Variants in TMEM272 observed in about 807,000 individuals in gnomAD.
TMEM272 encodes the protein transmembrane protein 272, also known as long intergenic non-protein coding RNA 282.
A neutral mutation model predicts 3.7 loss-of-function variants in TMEM272; 8 were observed. The ratio of observed to expected loss-of-function variants is 2.17; its 90% CI spans 1.27 to 3.91. TMEM272 has a LOEUF of 3.91. Ranked by LOEUF, TMEM272 falls within the 30% of genes most tolerant of loss-of-function variation. TMEM272 has a pLI of 0.00. For missense variants in TMEM272, 166 were observed against 91.5 expected, an observed-to-expected ratio of 1.81 and a Z score of -3.32; for synonymous variants, 63 against 39.8, an observed-to-expected ratio of 1.58 and a Z score of -2.20.
chr13:51,859,615 C>T, the TMEM272 span, among the ~76,000 whole-genome samples: 2 of 151,408 alleles, frequency 1.3e-5, no homozygotes, highest in East Asian at 1.9e-4. Context: ...ATTAGCTGAT[C>T]GTTAAGCTAA....
At chr13:51,886,673 T>C in the TMEM272 span, among the ~76,000 whole-genome samples, 1 of 152,206 alleles carries the variant, frequency 6.6e-6, no homozygotes, top group African/African-American at 2.4e-5. Context: ...TACAACATAA[T>C]CCATTACAAG....
intron 2 of TMEM272, among the ~76,000 whole-genome samples, chr13:51,837,677 C>T (rs926378493): frequency 6.6e-6 from 1 of 152,194 alleles, no homozygotes; most frequent in Non-Finnish European, 1.5e-5. Context: ...GAGGTGCTGG[C>T]ATGCAGCAGT....
chr13:51,846,265 A>G (rs1268870645), upstream of TMEM272, among the ~76,000 whole-genome samples: 1 of 152,230 alleles, frequency 6.6e-6, no homozygotes, highest in Non-Finnish European at 1.5e-5. Flanking sequence ...CATGAGCCAC[A>G]TAACAATGTT....
intron 3 of TMEM272, among the ~76,000 whole-genome samples, chr13:51,825,201 T>A (rs1173920892): frequency 6.6e-6 from 1 of 152,228 alleles, no homozygotes; most frequent in Non-Finnish European, 1.5e-5. Flanking sequence ...TTACACTAAA[T>A]GGCCCCAGAC....
the TMEM272 span, among the ~76,000 whole-genome samples, chr13:51,860,605 T>C: frequency 2.8e-5 from 4 of 144,824 alleles, no homozygotes; most frequent in African/African-American, 1.0e-4. Context: ...TACCATGCCA[T>C]TGCACTCCAG....
the TMEM272 span, among the ~76,000 whole-genome samples, chr13:51,911,817 G>A: frequency 5.3e-5 from 8 of 152,166 alleles, no homozygotes; most frequent in South Asian, 2.1e-4. Context: ...CCGAGACAGA[G>A]CCTCCCGGCC....
the TMEM272 span, among the ~76,000 whole-genome samples, chr13:51,878,414 A>G: frequency 2.6e-5 from 4 of 152,246 alleles, no homozygotes; most frequent in South Asian, 8.3e-4. Context: ...TGGGTGACAG[A>G]GCGAGACTCT....
chr13:51,820,363 G>C (rs1956068549), intron 4 of TMEM272, among the ~76,000 whole-genome samples: 1 of 152,198 alleles, frequency 6.6e-6, no homozygotes, highest in Admixed American at 6.5e-5. Context: ...GCAAACTTCT[G>C]CCTCTGGGGA....
At chr13:51,863,219 G>A in the TMEM272 span, among the ~76,000 whole-genome samples, 3 of 152,248 alleles carry the variant, frequency 2.0e-5, no homozygotes, top group Admixed American at 2.0e-4. Flanking sequence ...GGAGTTGGGT[G>A]CAGGCTGGGT....
At chr13:51,880,170 T>C in the TMEM272 span, among the ~76,000 whole-genome samples, 1 of 151,812 alleles carries the variant, frequency 6.6e-6, no homozygotes, top group African/African-American at 2.4e-5. Flanking sequence ...GGGTAACAAA[T>C]GATAGAGTCT....
At chr13:51,854,740 G>T in the TMEM272 span, among the ~76,000 whole-genome samples, 1 of 152,144 alleles carries the variant, frequency 6.6e-6, no homozygotes, top group Non-Finnish European at 1.5e-5. Flanking sequence ...GATTAAATGG[G>T]CTATATATGC....
the TMEM272 span, among the ~76,000 whole-genome samples, chr13:51,863,768 T>C: frequency 1.3e-5 from 2 of 150,864 alleles, no homozygotes; most frequent in East Asian, 3.9e-4. Context: ...AATGGAAAAA[T>C]ACAGAGAAAG....
the TMEM272 span, among the ~76,000 whole-genome samples, chr13:51,915,019 CAA>C: frequency 1.3e-5 from 2 of 152,134 alleles, no homozygotes; most frequent in Non-Finnish European, 2.9e-5. Flanking sequence ...AAATTAGGTA[CAA>C]AAGTGATGTT....
At chr13:51,863,406 A>G in the TMEM272 span, among the ~76,000 whole-genome samples, 1 of 152,280 alleles carries the variant, frequency 6.6e-6, no homozygotes, top group Non-Finnish European at 1.5e-5. Context: ...AGAGGGTAAG[A>G]TCAATACAGA....
the TMEM272 span, among the ~76,000 whole-genome samples, chr13:51,919,331 C>T: frequency 0.025 from 3,735 of 152,226 alleles, 161 homozygotes; most frequent in African/African-American, 0.086. Flanking sequence ...TTAACCAGTG[C>T]TGACATTTTG....
At chr13:51,899,631 T>C in the TMEM272 span, among the ~76,000 whole-genome samples, 5 of 152,336 alleles carry the variant, frequency 3.3e-5, no homozygotes, top group African/African-American at 1.2e-4. Context: ...GGCTTCTATG[T>C]AGAAATTGAC....
At chr13:51,925,490 T>C in the TMEM272 span, among the ~76,000 whole-genome samples, 1 of 152,054 alleles carries the variant, frequency 6.6e-6, no homozygotes, top group African/African-American at 2.4e-5. Context: ...TGTTTATAAA[T>C]AGCAATACAC....
chr13:51,910,671 G>T, the TMEM272 span: 1 of 451,194 alleles, frequency 2.2e-6, no homozygotes. Flanking sequence ...GCCTGTCGAG[G>T]CCACAATAAG....
chr13:51,826,487 T>C, intron 3 of TMEM272, 79 bp downstream of exon 3: 1 of 693,778 alleles, frequency 1.4e-6, no homozygotes, highest in South Asian at 1.5e-5. Context: ...ACATATTTAA[T>C]GTTTAAAGAT....
Sources: gnomAD v4.1 joint callset for allele counts (sites outside exome capture counted in the v4.1 genomes callset) on GRCh38, gnomAD v4.1.1 for gene constraint, MANE v1.5 for transcripts, NCBI Gene and HGNC (gene_info 2026-07-23, HGNC 2026-07-21) for gene names.